CTNNA3: variants seen among roughly 807,000 people sequenced by gnomAD.
CTNNA3 encodes catenin alpha-3.
Under a neutral mutation model 95.7 loss-of-function variants are expected in CTNNA3, and 76 were observed. The observed-to-expected ratio is 0.79, with a 90% CI of 0.66 to 0.96. The LOEUF is 0.96. CTNNA3 is among the 40% of genes least tolerant of loss of function. CTNNA3 has a pLI of 0.00. For synonymous variants in CTNNA3, 431 were observed against 374.4 expected, an observed-to-expected ratio of 1.15 and a Z score of -1.74; for missense variants, 1,191 against 1,089.8, an observed-to-expected ratio of 1.09 and a Z score of -1.31.
chr10:66,149,730 C>T (rs10762027), intron 13 of CTNNA3, among the ~76,000 whole-genome samples: 73,274 of 151,604 alleles, frequency 0.48, 17,857 homozygotes, highest in African/African-American at 0.54. Flanking sequence ...CATTCTTATG[C>T]ATCTTTTTCA....
chr10:66,473,688 C>G (rs1839217540), intron 11 of CTNNA3, among the ~76,000 whole-genome samples: 1 of 151,926 alleles, frequency 6.6e-6, no homozygotes, highest in Admixed American at 6.6e-5. Flanking sequence ...ACAACAGGCC[C>G]TGGTGTGTGA....
At chr10:66,444,694 C>A (rs111629532) in intron 11 of CTNNA3, among the ~76,000 whole-genome samples, 1 of 152,136 alleles carries the variant, frequency 6.6e-6, no homozygotes, top group Non-Finnish European at 1.5e-5. Context: ...TGGAAAGCAA[C>A]AACCGGTACC....
intron 6 of CTNNA3, among the ~76,000 whole-genome samples, chr10:67,209,982 T>G (rs1864073300): frequency 6.6e-6 from 1 of 151,984 alleles, no homozygotes; most frequent in Admixed American, 6.6e-5. Context: ...ATCAGCAAAT[T>G]AACCTAAGAA....
chr10:66,007,237 T>C (rs1412109833), intron 15 of CTNNA3, among the ~76,000 whole-genome samples: 3 of 152,204 alleles, frequency 2.0e-5, no homozygotes, highest in Non-Finnish European at 4.4e-5. Context: ...CCAAAGTCAA[T>C]TTTTAAAGGG....
upstream of CTNNA3, among the ~76,000 whole-genome samples, chr10:67,700,068 G>A (rs1003976303): frequency 1.3e-5 from 2 of 152,260 alleles, no homozygotes; most frequent in Non-Finnish European, 2.9e-5. Flanking sequence ...GCGAGGCTGG[G>A]GGAGGGGCGC....
intron 13 of CTNNA3, among the ~76,000 whole-genome samples, chr10:66,173,763 A>G (rs2085558317): frequency 6.6e-6 from 1 of 152,176 alleles, no homozygotes; most frequent in African/African-American, 2.4e-5. Flanking sequence ...CAGAGAATTT[A>G]GGTACATATT....
At chr10:66,962,317 C>G (rs1849153476) in intron 7 of CTNNA3, among the ~76,000 whole-genome samples, 1 of 152,114 alleles carries the variant, frequency 6.6e-6, no homozygotes, top group African/African-American at 2.4e-5. Context: ...CTCATGGTCT[C>G]CGTACTTACA....
intron 14 of CTNNA3, among the ~76,000 whole-genome samples, chr10:66,071,223 C>A (rs1201284835): frequency 6.6e-6 from 1 of 152,098 alleles, no homozygotes; most frequent in East Asian, 1.9e-4. Flanking sequence ...AGTAGAATAT[C>A]TCTGATATAT....
At chr10:66,392,617 A>T (rs1263821441) in intron 11 of CTNNA3, among the ~76,000 whole-genome samples, 1 of 152,128 alleles carries the variant, frequency 6.6e-6, no homozygotes, top group African/African-American at 2.4e-5. Flanking sequence ...CATACAGATG[A>T]CAAATAAGGA....
Position 66,037,571 on chromosome 10 carries a change from A to T in CTNNA3, c.2159+31737T>A, listed in dbSNP as rs915245472. Among the ~76,000 whole-genome samples the T allele has an allele frequency of 6.6e-5, 10 of 152,356 alleles. No individual in the cohort carries two copies. The South Asian group carries it at 1.7e-3, about 25-fold the overall frequency. On this transcript the variant is annotated intron_variant, in intron 15 of 17. Coordinates refer to ENST00000433211, the MANE Select transcript of CTNNA3 (RefSeq NM_013266.4). ...CACAGCTTTCATAATAATGAGGATG[A>T]ATGAGAATTAAACTTATTTAAAGAC... is the stretch of plus-strand genomic sequence containing the variant.
chr10:67,691,744 T>C (rs1473257718), intron 1 of CTNNA3, among the ~76,000 whole-genome samples: 4 of 144,448 alleles, frequency 2.8e-5, no homozygotes, highest in South Asian at 2.3e-4. Context: ...GGCAGCCACC[T>C]CGTCCGGGAG....
Position 65,913,912 on chromosome 10 carries a change from T to C in CTNNA3, c.*6418A>G, listed in dbSNP as rs1331938088. On this transcript the variant is annotated 3_prime_UTR_variant, in exon 18 of 18. Coordinates refer to ENST00000433211, the MANE Select transcript of CTNNA3 (RefSeq NM_013266.4). ...AAGGTTGGCCTGAGTCTGCAGAAGC[T>C]GGGCTGTCAGAATAGAAAAGCAAGA... is the stretch of plus-strand genomic sequence containing the variant. 1.3e-5 allele frequency: 2 copies of C among 152,142 alleles called. No individual in the cohort carries two copies. Among genetic ancestry groups the C allele is most frequent in the Non-Finnish European group, 2.9e-5 (2 of 68,030 alleles). 9.4% of individuals were successfully genotyped at this position (152,142 alleles called of 1,614,324 possible).
At chr10:67,690,526 T>C (rs1840823194) in intron 1 of CTNNA3, among the ~76,000 whole-genome samples, 1 of 152,172 alleles carries the variant, frequency 6.6e-6, no homozygotes, top group Admixed American at 6.5e-5. Flanking sequence ...TACAGAGTCC[T>C]GATTGGTGCA....
Position 66,498,899 on chromosome 10 carries a change from AT to A in CTNNA3, c.1531+21717del, listed in dbSNP as rs1326057576. Among the ~76,000 whole-genome samples, 9 of 152,266 alleles carry A rather than the reference AT, an allele frequency of 5.9e-5. No individual in the cohort carries two copies. In the East Asian group the frequency reaches 1.5e-3, roughly 26 times the overall value. ...CATCTCTGAAACATAAACAGAGTAAATTTTGCCCTTGATCACTTTGGACGTT... is the reference window on the plus strand; with the variant it reads ...CATCTCTGAAACATAAACAGAGTAAATTTGCCCTTGATCACTTTGGACGTT... On this transcript the variant is annotated intron_variant, in intron 11 of 17. Coordinates refer to ENST00000433211, the MANE Select transcript of CTNNA3 (RefSeq NM_013266.4).
At chr10:66,430,390 T>C (rs2093283622) in intron 11 of CTNNA3, among the ~76,000 whole-genome samples, 1 of 152,228 alleles carries the variant, frequency 6.6e-6, no homozygotes, top group Admixed American at 6.5e-5. Context: ...TTCACAGAAT[T>C]GGAAAAAGCT....
intron 7 of CTNNA3, among the ~76,000 whole-genome samples, chr10:66,898,305 T>C (rs1845584336): frequency 6.6e-6 from 1 of 152,186 alleles, no homozygotes; most frequent in Non-Finnish European, 1.5e-5. Context: ...AGTAAGGTTG[T>C]TCTTTGTAGA....
At chr10:66,867,084 C>T (rs925172423) in intron 7 of CTNNA3, among the ~76,000 whole-genome samples, 13 of 152,142 alleles carry the variant, frequency 8.5e-5, no homozygotes, top group African/African-American at 2.9e-4. Flanking sequence ...GATTGTGAAG[C>T]CTCCCTGGCC....
intron 9 of CTNNA3, among the ~76,000 whole-genome samples, chr10:66,671,770 A>G (rs183424077): frequency 6.6e-6 from 1 of 152,260 alleles, no homozygotes; most frequent in Admixed American, 6.5e-5. Context: ...CTTTATCTGA[A>G]TGGCTTGAGG....
intron 11 of CTNNA3, among the ~76,000 whole-genome samples, chr10:66,489,037 G>A (rs10997177): frequency 0.045 from 6,902 of 152,068 alleles, 468 homozygotes; most frequent in East Asian, 0.32. Flanking sequence ...GGTTTATCCA[G>A]GAAAAATTAA....
Sources: allele counts gnomAD v4.1 joint callset (sites outside exome capture counted in the v4.1 genomes callset), GRCh38; gene constraint gnomAD v4.1.1; transcripts MANE v1.5; gene names NCBI Gene and HGNC (gene_info 2026-07-23, HGNC 2026-07-21).